Variants in MLXIPL observed in about 807,000 individuals in gnomAD.
MLXIPL encodes the protein MLX interacting protein like.
Under a neutral mutation model 81.5 loss-of-function variants are expected in MLXIPL, and 49 were observed. The observed-to-expected ratio is 0.60, with a 90% CI of 0.48 to 0.76. MLXIPL has a LOEUF of 0.76. Among genes scored for constraint, MLXIPL ranks in the 30% least tolerant of loss-of-function variants. The pLI, the probability that MLXIPL is intolerant of heterozygous loss-of-function variation, is 0.00. For synonymous variants in MLXIPL, 466 were observed against 485.5 expected (o/e 0.96, Z 0.53); for missense variants, 1,053 against 1,167.0 (o/e 0.90, Z 1.42).
chr7:73,644,371 G>A, the MLXIPL span, among the ~76,000 whole-genome samples: 5 of 151,876 alleles, frequency 3.3e-5, no homozygotes, highest in East Asian at 1.9e-4. Context: ...CAACATGCCC[G>A]GCTAATTTTT....
At chr7:73,625,412 C>T (rs1320963646), upstream of MLXIPL, among the ~76,000 whole-genome samples, 5 of 152,268 alleles carry the variant, frequency 3.3e-5, no homozygotes, top group South Asian at 2.1e-4. Context: ...AGGTAATGCC[C>T]CTGAAGGGCC....
intron 15 of MLXIPL, among the ~76,000 whole-genome samples, chr7:73,594,996 C>T (rs576270208): frequency 6.6e-6 from 1 of 152,240 alleles, no homozygotes; most frequent in East Asian, 1.9e-4. Context: ...CAGGCACATG[C>T]CACCACGCTT....
chr7:73,627,491 C>T (rs1796771617), upstream of MLXIPL, among the ~76,000 whole-genome samples: 1 of 152,106 alleles, frequency 6.6e-6, no homozygotes, highest in African/African-American at 2.4e-5. Context: ...ACAAGTGATC[C>T]ACCTGCCTCA....
chr7:73,629,974 T>TATTTTTTTTTTA, the MLXIPL span, among the ~76,000 whole-genome samples: 2 of 143,534 alleles, frequency 1.4e-5, no homozygotes, highest in African/African-American at 2.6e-5. Flanking sequence ...TTTTTATTAT[T>TATTTTTTTTTTA]TTTATTTATT....
chr7:73,597,555 G>C lies in MLXIPL; in HGVS notation c.1230C>G (p.Cys410Trp). Reference sequence around the variant, plus strand: ...CCATGGGAGGGAAGGGAGGTGGGGGGCAGGGCTCCAGGCCTGGCACCTTGG... The same window carrying C: ...CCATGGGAGGGAAGGGAGGTGGGGGCCAGGGCTCCAGGCCTGGCACCTTGG... ...PPAKVPGLEP[C>W]PPPPFPPMAP... The change falls in exon 9 of 17, where the codon TGC (cysteine) becomes TGG (tryptophan). Residue 410 changes from cysteine to tryptophan, a missense_variant. Cys to Trp is a radical substitution (Grantham distance 215). Transcript: ENST00000313375. 1 of 1,315,072 alleles carries C rather than the reference G, an allele frequency of 7.6e-7. No individual in the cohort carries two copies. Among genetic ancestry groups the C allele is most frequent in the Non-Finnish European group, 9.7e-7 (1 of 1,027,320 alleles). 81.5% of individuals were successfully genotyped at this position (1,315,072 alleles called of 1,614,324 possible).
At chr7:73,640,179 G>A in the MLXIPL span, among the ~76,000 whole-genome samples, 1 of 149,762 alleles carries the variant, frequency 6.7e-6, no homozygotes, top group African/African-American at 2.5e-5. Flanking sequence ...TGGAGGCAGA[G>A]TGATCACTTG....
chr7:73,615,500 G>T (rs1021537138), intron 2 of MLXIPL, among the ~76,000 whole-genome samples: 1 of 152,166 alleles, frequency 6.6e-6, no homozygotes, highest in Non-Finnish European at 1.5e-5. Flanking sequence ...TGCTACTGAG[G>T]GGTGACCTCT....
chr7:73,593,522 G>A lies in MLXIPL; in HGVS notation c.*343C>T, dbSNP rs1794015783. The A allele has an allele frequency of 5.9e-6, 2 of 341,546 alleles. No homozygotes were observed. Among genetic ancestry groups the A allele is most frequent in the South Asian group, 2.5e-5 (1 of 39,424 alleles). 21.2% of individuals were successfully genotyped at this position (341,546 alleles called of 1,614,324 possible). A position where few individuals can be genotyped will look rare whatever the true frequency, so the allele number is the denominator to read the frequency against. ...CACCGTTGAGCCCCCGGAGTTGCCA[G>A]CCTAGGCCCCCAATGTCACAGCTGC... On this transcript the variant is annotated 3_prime_UTR_variant, in exon 17 of 17. Coordinates refer to ENST00000313375, the MANE Select transcript of MLXIPL (RefSeq NM_032951.3).
chr7:73,629,118 C>T (rs1216036149), upstream of MLXIPL, among the ~76,000 whole-genome samples: 1 of 151,792 alleles, frequency 6.6e-6, no homozygotes, highest in Non-Finnish European at 1.5e-5. Flanking sequence ...TCTCAGCTCA[C>T]TGCAACCTCC....
chr7:73,620,849 G>A (rs947015691), intron 1 of MLXIPL, among the ~76,000 whole-genome samples: 19 of 148,900 alleles, frequency 1.3e-4, no homozygotes, highest in South Asian at 8.6e-4. Context: ...TCAGGGGTTC[G>A]AGACCAGCCT....
At chr7:73,624,175 C>G in intron 1 of MLXIPL, 25 bp downstream of exon 1, 2 of 1,542,778 alleles carry the variant, frequency 1.3e-6, no homozygotes, top group East Asian at 2.4e-5. Context: ...AAGCCAAGGC[C>G]GTCAGGGCCC....
In MLXIPL at chr7:73,623,231, G is replaced by A. The variant is rs530366215; in HGVS notation, c.293+969C>T. Among the ~76,000 whole-genome samples the A allele has an allele frequency of 2.0e-4, 30 of 152,342 alleles. No individual in the cohort carries two copies. Among genetic ancestry groups the A allele is most frequent in the African/African-American group, 7.0e-4 (29 of 41,592 alleles). Reference sequence around the variant, plus strand: ...CGGCAGGTGCCGATCTGTAGCCAGCGGTTCTCAGAAGGGGAGGAGGCGCCG... The same window carrying A: ...CGGCAGGTGCCGATCTGTAGCCAGCAGTTCTCAGAAGGGGAGGAGGCGCCG... On this transcript the variant is annotated intron_variant, in intron 1 of 16. Coordinates refer to ENST00000313375, the MANE Select transcript of MLXIPL (RefSeq NM_032951.3). This position sits in a 1 kb window ranked among gnomAD's most constrained non-coding sequence, Gnocchi z 5.7.
intron 2 of MLXIPL, among the ~76,000 whole-genome samples, chr7:73,608,444 G>A (rs1462257603): frequency 1.3e-5 from 2 of 152,066 alleles, no homozygotes; most frequent in South Asian, 2.1e-4. Flanking sequence ...AAAATTAGCC[G>A]AGCATGGCGG....
At chr7:73,608,002 G>A (rs1795443536) in intron 2 of MLXIPL, among the ~76,000 whole-genome samples, 1 of 151,578 alleles carries the variant, frequency 6.6e-6, no homozygotes, top group Admixed American at 6.6e-5. Flanking sequence ...GATTACAGGC[G>A]CCCACGACCA....
chr7:73,605,747 A>G lies in MLXIPL; in HGVS notation c.842T>C (p.Met281Thr). ...CAGTGGCGTCAGGTCCGGCTGGATC[A>G]TGTCAGCATTGCCGACGTAGGCTGG... Reference protein sequence around the residue: ...PEDAYVGNADMIQPDLTPLQP... With the variant: ...PEDAYVGNADTIQPDLTPLQP... The change falls in exon 7 of 17, where the codon ATG (methionine) becomes ACG (threonine). Residue 281 changes from methionine to threonine, a missense_variant. By Grantham distance (81) the Met-to-Thr change is moderately conservative. Transcript: ENST00000313375. 2.5e-6 allele frequency: 4 copies of G among 1,613,652 alleles called. No individual in the cohort carries two copies. Among genetic ancestry groups the G allele is most frequent in the Non-Finnish European group, 3.4e-6 (4 of 1,179,876 alleles).
chr7:73,628,757 C>G (rs986394626), upstream of MLXIPL, among the ~76,000 whole-genome samples: 1 of 152,236 alleles, frequency 6.6e-6, no homozygotes. Context: ...GCTTCTCTAG[C>G]CTCTGTTACT....
intron 5 of MLXIPL, 155 bp downstream of exon 5, chr7:73,606,819 C>T: frequency 1.2e-6 from 1 of 851,386 alleles, no homozygotes; most frequent in Non-Finnish European, 1.9e-6. Context: ...GAGAAGAGCT[C>T]AACAAATGAA....
In MLXIPL at chr7:73,619,131, A is replaced by C. The variant is rs556540587; in HGVS notation, c.294-2954T>G. ...AGGAGGCCAGGAGTTTGAGATCAGC[A>C]TGGGCAACATAGTGCAACCCTGTTT... On this transcript the variant is annotated intron_variant, in intron 1 of 16. Coordinates refer to ENST00000313375, the MANE Select transcript of MLXIPL (RefSeq NM_032951.3). Among the ~76,000 whole-genome samples the C allele has an allele frequency of 3.0e-4, 46 of 152,100 alleles. No homozygotes were observed. The South Asian group carries it at 9.5e-3, about 32-fold the overall frequency.
intron 7 of MLXIPL, among the ~76,000 whole-genome samples, chr7:73,602,130 G>GCCTGCCTGCCTGCCTTCCTT (rs1461829446): frequency 2.5e-4 from 20 of 80,528 alleles, no homozygotes; most frequent in African/African-American, 1.0e-3. Flanking sequence ...CTGCCTGCCT[G>GCCTGCCTGCCTGCCTTCCTT]CCTTCCTTCC....
Sources: gnomAD v4.1 joint callset for allele counts (sites outside exome capture counted in the v4.1 genomes callset) on GRCh38, gnomAD v4.1.1 for gene constraint, Gnocchi (gnomAD v3.1) non-coding constraint, MANE v1.5 for transcripts, NCBI Gene and HGNC (gene_info 2026-07-23, HGNC 2026-07-21) for gene names.